MORC3: variants seen among roughly 807,000 people sequenced by gnomAD.
MORC3 encodes the protein MORC family CW-type zinc finger protein 3.
Under a neutral mutation model 109.1 loss-of-function variants are expected in MORC3, and 31 were observed. The observed-to-expected ratio is 0.28, with a 90% CI of 0.21 to 0.38. The LOEUF (loss-of-function observed/expected upper bound fraction) is 0.38, where lower values mean the gene tolerates loss of function less well. MORC3 is among the 10% of genes least tolerant of loss of function. MORC3 has a pLI of 1.00. For synonymous variants in MORC3, 395 were observed against 380.7 expected (o/e 1.04, Z -0.44); for missense variants, 867 against 1,135.8 (o/e 0.76, Z 3.40).
rs777976102 is a variant in MORC3, at chr21:36,369,884, A to G, written c.2508+8A>G. ...GACCAGTATAAAAGTGAGGTGAGTT[A>G]TATCATCCAACATGTAGTCATGGAG... On this transcript the variant is annotated splice_region_variant and intron_variant, in intron 15 of 16. Coordinates refer to ENST00000400485, the MANE Select transcript of MORC3 (RefSeq NM_015358.3). 5 of 1,606,474 alleles carry G rather than the reference A, an allele frequency of 3.1e-6. No individual in the cohort carries two copies. The highest frequency in any genetic ancestry group is 1.7e-5 in the Admixed American group (1 of 59,952).
At chr21:36,329,962 A>G (rs2085296240) in intron 1 of MORC3, among the ~76,000 whole-genome samples, 1 of 151,980 alleles carries the variant, frequency 6.6e-6, no homozygotes, top group East Asian at 1.9e-4. Context: ...TCCTGAGTTC[A>G]AGCAACTCTC....
intron 14 of MORC3, among the ~76,000 whole-genome samples, chr21:36,365,390 G>T (rs1233479767): frequency 6.6e-6 from 1 of 152,178 alleles, no homozygotes; most frequent in Non-Finnish European, 1.5e-5. Flanking sequence ...TGACTATACT[G>T]ATGTTTGTTA....
chr21:36,338,389 T>C (rs2085396872), intron 4 of MORC3, among the ~76,000 whole-genome samples: 1 of 152,302 alleles, frequency 6.6e-6, no homozygotes, highest in East Asian at 1.9e-4. Context: ...AACTGCCATG[T>C]TAAAACTTAG....
At chr21:36,347,353 A>AT (rs946963151) in intron 8 of MORC3, among the ~76,000 whole-genome samples, 19 of 152,264 alleles carry the variant, frequency 1.2e-4, no homozygotes, top group South Asian at 8.3e-4. Context: ...CAGAATGTAA[A>AT]TTTTTTTCTT....
intron 1 of MORC3, among the ~76,000 whole-genome samples, chr21:36,321,791 A>G (rs6517346): frequency 0.6 from 90,775 of 151,920 alleles, 28,157 homozygotes; most frequent in East Asian, 1. Context: ...TAGTGGAGAA[A>G]CGGAGTGAGT....
intron 8 of MORC3, among the ~76,000 whole-genome samples, chr21:36,347,025 A>AAC (rs1383342507): frequency 6.6e-6 from 1 of 151,082 alleles, no homozygotes; most frequent in African/African-American, 2.5e-5. Context: ...AAAAAAAAAA[A>AAC]ACAAAGAAAT....
At chr21:36,328,738 A>G (rs1353942231) in intron 1 of MORC3, among the ~76,000 whole-genome samples, 1 of 151,960 alleles carries the variant, frequency 6.6e-6, no homozygotes, top group Non-Finnish European at 1.5e-5. Flanking sequence ...CAGCCTCCCA[A>G]AGTGCTGGGA....
chr21:36,350,564 T>G (rs2085559782), intron 9 of MORC3, among the ~76,000 whole-genome samples: 1 of 149,494 alleles, frequency 6.7e-6, no homozygotes, highest in Non-Finnish European at 1.5e-5. Flanking sequence ...AAAAAAAAAT[T>G]TCGGTTCTTT....
intron 15 of MORC3, among the ~76,000 whole-genome samples, chr21:36,370,909 T>A (rs2085859140): frequency 6.6e-6 from 1 of 151,946 alleles, no homozygotes; most frequent in Non-Finnish European, 1.5e-5. Context: ...CATCAAGTGA[T>A]CCACCCATCT....
At chr21:36,360,280 A>G in intron 12 of MORC3, 22 bp downstream of exon 12, 1 of 1,596,948 alleles carries the variant, frequency 6.3e-7, no homozygotes, top group Non-Finnish European at 8.6e-7. Context: ...ATTGATGTAT[A>G]GTGGGTAATA....
At chr21:36,322,973 T>G (rs1488950330) in intron 1 of MORC3, among the ~76,000 whole-genome samples, 1 of 152,246 alleles carries the variant, frequency 6.6e-6, no homozygotes, top group Non-Finnish European at 1.5e-5. Flanking sequence ...GATTGCATTT[T>G]CTTTCCTATA....
At chr21:36,367,339 A>G (rs1440180352) in intron 14 of MORC3, among the ~76,000 whole-genome samples, 1 of 152,190 alleles carries the variant, frequency 6.6e-6, no homozygotes, top group Non-Finnish European at 1.5e-5. Flanking sequence ...AGCCCTAACT[A>G]CTGCTAGTCA....
intron 1 of MORC3, among the ~76,000 whole-genome samples, chr21:36,324,820 G>A (rs2085231643): frequency 6.7e-6 from 1 of 150,164 alleles, no homozygotes; most frequent in African/African-American, 2.5e-5. Flanking sequence ...CAGTTCTCCT[G>A]CCTCAGCCTC....
At position 36,364,150 on chromosome 21, in the gene MORC3, C is replaced by G. The variant is rs182300552; in HGVS notation, c.1510C>G (p.Pro504Ala). The stretch of plus-strand genomic sequence containing the variant: ...TCTTTCAACTCCAAGCTTTTCTTCT[C>G]CTAAGGAAAGTGTTCCAAGAAGACA... ...TALSTPSFSS[P>A]KESVPRRHLS... The change falls in exon 14 of 17, where the codon CCT (proline) becomes GCT (alanine). Residue 504 changes from proline to alanine, a missense_variant. This residue lies in a region of MORC3 where 486 missense variants were observed against 502.1 expected (regional missense o/e 0.97). Coordinates refer to ENST00000400485, the MANE Select transcript of MORC3 (RefSeq NM_015358.3). 1.2e-6 allele frequency: 2 copies of G among 1,613,928 alleles called. No individual in the cohort carries two copies. Among genetic ancestry groups the G allele is most frequent in the Non-Finnish European group, 1.7e-6 (2 of 1,179,960 alleles).
chr21:36,333,653 C>A lies in MORC3; in HGVS notation c.47C>A (p.Pro16Gln). The A allele has an allele frequency of 6.2e-7, 1 of 1,612,550 alleles. No individual in the cohort carries two copies. Among genetic ancestry groups the A allele is most frequent in the Non-Finnish European group, 8.5e-7 (1 of 1,178,956 alleles). The change falls in exon 2 of 17, where the codon CCG (proline) becomes CAG (glutamine). Residue 16 changes from proline to glutamine, a missense_variant. Coordinates refer to ENST00000400485, the MANE Select transcript of MORC3 (RefSeq NM_015358.3). ...PRGIRLSALCPKFLHTNSTSH... is the reference protein window; with the variant it reads ...PRGIRLSALCQKFLHTNSTSH... Reference sequence around the variant, plus strand: ...ACCTTTTGTTTGTTTCAGCTTTGCCCGAAGTTTTTACATACAAATTCTACT... The same window carrying A: ...ACCTTTTGTTTGTTTCAGCTTTGCCAGAAGTTTTTACATACAAATTCTACT...
chr21:36,328,920 AG>A (rs2085280708), intron 1 of MORC3, among the ~76,000 whole-genome samples: 7 of 150,540 alleles, frequency 4.6e-5, no homozygotes, highest in East Asian at 1.9e-4. Context: ...AAAAAAAAAA[AG>A]AAAAAGAAAT....
chr21:36,369,422 C>G lies in MORC3; in HGVS notation c.2054C>G (p.Thr685Ser). Residue 685 changes from threonine to serine, a missense_variant, in exon 15 of 17, where the codon ACC (threonine) becomes AGC (serine). Transcript: ENST00000400485. The stretch of plus-strand genomic sequence containing the variant: ...AAGATACATGAAACCCAGGAAACCA[C>G]CGATAAATCTGCAGATGATGCAGGC... ...EAKIHETQET[T>S]DKSADDAGCQ... 6.2e-7 allele frequency: 1 copy of G among 1,614,172 alleles called. No individual in the cohort carries two copies. Among genetic ancestry groups the G allele is most frequent in the South Asian group, 1.1e-5 (1 of 91,082 alleles).
intron 9 of MORC3, among the ~76,000 whole-genome samples, chr21:36,353,755 A>ATTTTTTTT (rs1202729285): frequency 0.33 from 23,136 of 70,190 alleles, 5,612 homozygotes; most frequent in East Asian, 0.59. Context: ...TAATTTTTGT[A>ATTTTTTTT]TTTTTTTTTT....
chr21:36,336,734 A>T, intron 2 of MORC3, 140 bp from the exon 3 acceptor site: 1 of 748,552 alleles, frequency 1.3e-6, no homozygotes, highest in Non-Finnish European at 2.0e-6. Flanking sequence ...TAAAATCTTT[A>T]AATTTTAAAG....
Sources: gnomAD v4.1 joint callset for allele counts (sites outside exome capture counted in the v4.1 genomes callset) on GRCh38, gnomAD v4.1.1 for gene constraint, gnomAD v4.1.1 regional missense constraint, MANE v1.5 for transcripts, NCBI Gene and HGNC (gene_info 2026-07-23, HGNC 2026-07-21) for gene names.